The following KCNIP3 variants were observed in gnomAD, a reference collection of about 807,000 sequenced individuals.
KCNIP3 encodes the protein calsenilin.
KCNIP3 carries 28 observed loss-of-function variants against 35.0 expected under a neutral mutation model. The observed-to-expected ratio is 0.80, with a 90% CI of 0.59 to 1.10. KCNIP3 has a LOEUF of 1.10. Among genes scored for constraint, KCNIP3 ranks in the 50% least tolerant of loss-of-function variants. The pLI, the probability that KCNIP3 is intolerant of heterozygous loss-of-function variation, is 0.00. For synonymous variants in KCNIP3, 134 were observed against 133.8 expected (o/e 1.00, Z -0.01); for missense variants, 295 against 338.4 (o/e 0.87, Z 1.01).
chr2:95,308,911 C>A (rs1314064905), intron 1 of KCNIP3, among the ~76,000 whole-genome samples: 1 of 152,250 alleles, frequency 6.6e-6, no homozygotes, highest in Non-Finnish European at 1.5e-5. Context: ...CTTTGAACAA[C>A]CAAATACTTT....
rs181529792 is a variant in KCNIP3, at chr2:95,325,983, C to A, written c.181+15463C>A. Among the ~76,000 whole-genome samples, 276 of 146,186 alleles carry A rather than the reference C, an allele frequency of 1.9e-3. 1 individual carries two copies. Among genetic ancestry groups the A allele is most frequent in the Middle Eastern group, 8.7e-3 (2 of 230 alleles). ...CACACTCATAGGCACACATACACTC[C>A]TACACACTCACACACACTCAGACAC... On this transcript the variant is annotated intron_variant, in intron 2 of 8. Coordinates refer to ENST00000295225, the MANE Select transcript of KCNIP3 (RefSeq NM_013434.5).
chr2:95,329,310 T>C (rs1678869794), intron 2 of KCNIP3, among the ~76,000 whole-genome samples: 1 of 152,230 alleles, frequency 6.6e-6, no homozygotes, highest in Non-Finnish European at 1.5e-5. Flanking sequence ...GCTGATCCTG[T>C]ACTTCGACTA....
At chr2:95,339,675 T>A (rs183166948) in intron 2 of KCNIP3, among the ~76,000 whole-genome samples, 1 of 152,144 alleles carries the variant, frequency 6.6e-6, no homozygotes, top group African/African-American at 2.4e-5. Flanking sequence ...ATCAGTCTTA[T>A]CTCTTCTGTT....
At chr2:95,350,018 A>G (rs956553259) in intron 2 of KCNIP3, among the ~76,000 whole-genome samples, 1 of 152,124 alleles carries the variant, frequency 6.6e-6, no homozygotes, top group African/African-American at 2.4e-5. Flanking sequence ...AAGCTCCTGA[A>G]ATTATGGGCA....
rs58903840 is a variant in KCNIP3 at position 95,384,169 on chromosome 2, TACACACACACACAC to T, written c.*144_*157del. The T allele has an allele frequency of 3.3e-5, 17 of 513,308 alleles. No homozygotes were observed. Among genetic ancestry groups the T allele is most frequent in the East Asian group, 2.0e-4 (6 of 29,522 alleles). The allele number at this position is 513,308 out of a possible 1,614,324, so 31.8% of individuals were successfully genotyped here. A position where few individuals can be genotyped will look rare whatever the true frequency, so the allele number is the denominator to read the frequency against. The stretch of plus-strand genomic sequence containing the variant: ...GATTTGCAAAAAGTGAACAGATTGC[TACACACACACACAC>T]ACACACACACACACACACACACAGC... On this transcript the variant is annotated 3_prime_UTR_variant, in exon 9 of 9. Coordinates refer to ENST00000295225, the MANE Select transcript of KCNIP3 (RefSeq NM_013434.5).
At chr2:95,315,972 T>C (rs935793331) in intron 2 of KCNIP3, among the ~76,000 whole-genome samples, 10 of 152,192 alleles carry the variant, frequency 6.6e-5, no homozygotes, top group Non-Finnish European at 1.2e-4. Flanking sequence ...CGATTGCTGT[T>C]GGGTGTTTCG....
Position 95,378,564 on chromosome 2 carries a change from G to A in KCNIP3, c.448-3032G>A, listed in dbSNP as rs1680259850. 1.3e-5 allele frequency among the ~76,000 whole-genome samples: 2 copies of A among 148,768 alleles called. No individual in the cohort carries two copies. Among genetic ancestry groups the A allele is most frequent in the South Asian group, 4.2e-4 (2 of 4,732 alleles). On this transcript the variant is annotated intron_variant, in intron 5 of 8. Transcript: ENST00000295225. This position sits in a 1 kb window ranked among gnomAD's most constrained non-coding sequence, Gnocchi z 4.0. ...AGCCTGGCCAACATAGCGAAACCCC[G>A]TCTCTACTAAAAATACAAAAAAAAA...
chr2:95,315,319 G>T (rs1436522594), intron 2 of KCNIP3, among the ~76,000 whole-genome samples: 2 of 152,148 alleles, frequency 1.3e-5, no homozygotes, highest in African/African-American at 4.8e-5. Flanking sequence ...TTCTTTTATT[G>T]AATCTACGGT....
chr2:95,310,635 C>T (rs547574032), intron 2 of KCNIP3, 115 bp downstream of exon 2: 5 of 1,137,420 alleles, frequency 4.4e-6, no homozygotes, highest in South Asian at 3.9e-5. Flanking sequence ...CTACATCGCC[C>T]CTGTCTCTAT....
chr2:95,362,119 T>C (rs1270987111), intron 2 of KCNIP3, among the ~76,000 whole-genome samples: 6 of 151,852 alleles, frequency 4.0e-5, no homozygotes, highest in Admixed American at 3.9e-4. Flanking sequence ...TTTTCTTTTT[T>C]TTTTTGAGAT....
intron 2 of KCNIP3, chr2:95,347,250 G>GA: frequency 1.3e-6 from 1 of 754,740 alleles, no homozygotes; most frequent in Non-Finnish European, 2.2e-6. Flanking sequence ...GCCCCCTCCC[G>GA]GCTCCGGAGG....
chr2:95,336,013 A>G (rs1679052351), intron 2 of KCNIP3, among the ~76,000 whole-genome samples: 1 of 151,968 alleles, frequency 6.6e-6, no homozygotes, highest in South Asian at 2.1e-4. Flanking sequence ...CATCTGTTGT[A>G]TTTGCACTTC....
At chr2:95,302,709 C>A (rs1205146540) in intron 1 of KCNIP3, among the ~76,000 whole-genome samples, 3 of 152,178 alleles carry the variant, frequency 2.0e-5, no homozygotes, top group African/African-American at 7.2e-5. Flanking sequence ...GTCAGGGTCA[C>A]CGAGCTGGGA....
intron 2 of KCNIP3, among the ~76,000 whole-genome samples, chr2:95,350,435 C>T (rs564617319): frequency 6.6e-6 from 1 of 152,298 alleles, no homozygotes; most frequent in Non-Finnish European, 1.5e-5. Context: ...TGGCACCAGG[C>T]AGCAGCTCGG....
In KCNIP3 at chr2:95,325,876, CAGACATACACACACTCAT is replaced by C. The variant is rs1558763806; in HGVS notation, c.181+15362_181+15379del. ...ATACACTCACAGGCACACATACACT[CAGACATACACACACTCAT>C]AGACACACATTCACTCATACACATA... On this transcript the variant is annotated intron_variant, in intron 2 of 8. Coordinates refer to ENST00000295225, the MANE Select transcript of KCNIP3 (RefSeq NM_013434.5). 4.6e-5 allele frequency among the ~76,000 whole-genome samples: 7 copies of C among 150,614 alleles called. No individual in the cohort carries two copies. In the East Asian group the frequency reaches 1.2e-3, roughly 25 times the overall value.
intron 2 of KCNIP3, among the ~76,000 whole-genome samples, chr2:95,341,654 G>A (rs1679198002): frequency 6.6e-6 from 1 of 152,172 alleles, no homozygotes; most frequent in Non-Finnish European, 1.5e-5. Flanking sequence ...GGCTCAAAGA[G>A]GCAATGTGCT....
chr2:95,340,544 G>A (rs895869806), intron 2 of KCNIP3, among the ~76,000 whole-genome samples: 24 of 152,218 alleles, frequency 1.6e-4, no homozygotes, highest in African/African-American at 5.3e-4. Context: ...GGCAGTCTCT[G>A]CCACAGTGGT....
In KCNIP3 at chr2:95,381,623, C is replaced by T; in HGVS notation, c.475C>T (p.Leu159=). The T allele has an allele frequency of 6.2e-7, 1 of 1,614,066 alleles. No individual in the cohort carries two copies. The highest frequency in any genetic ancestry group is 2.2e-5 in the East Asian group (1 of 44,884). The change falls in exon 6 of 9, where the codon CTG becomes TTG. Residue 159 remains leucine, a synonymous_variant. Coordinates refer to ENST00000295225, the MANE Select transcript of KCNIP3 (RefSeq NM_013434.5). ...CTTTGTGGTTGGCCTCTCCATCCTG[C>T]TGCGGGGCACAGTCCACGAGAAGCT... The part of the protein sequence containing the change: ...EDFVVGLSIL[L]RGTVHEKLKW...
chr2:95,370,129 T>A (rs1197855841), intron 2 of KCNIP3, among the ~76,000 whole-genome samples: 1 of 152,246 alleles, frequency 6.6e-6, no homozygotes, highest in Non-Finnish European at 1.5e-5. Context: ...TTATCCTTCA[T>A]CTCTTTATTA....
Sources: gnomAD v4.1 joint callset for allele counts (sites outside exome capture counted in the v4.1 genomes callset) on GRCh38, gnomAD v4.1.1 for gene constraint, Gnocchi (gnomAD v3.1) non-coding constraint, MANE v1.5 for transcripts, NCBI Gene and HGNC (gene_info 2026-07-23, HGNC 2026-07-21) for gene names.